Variants in PCDH15 observed in about 807,000 individuals in gnomAD.
The protein encoded by PCDH15 is protocadherin related 15.
Under a neutral mutation model 178.5 loss-of-function variants are expected in PCDH15, and 129 were observed. That is an observed-to-expected ratio of 0.72 (90% CI 0.63 to 0.84). PCDH15 has a LOEUF of 0.84. Among genes scored for constraint, PCDH15 ranks in the 40% least tolerant of loss-of-function variants. The pLI is 0.00. For synonymous variants in PCDH15, 800 were observed against 732.0 expected (o/e 1.09, Z -1.50); for missense variants, 2,230 against 2,099.9 (o/e 1.06, Z -1.21).
intron 3 of PCDH15, among the ~76,000 whole-genome samples, chr10:54,421,694 AC>A (rs1955383597): frequency 1.2e-5 from 1 of 81,734 alleles, no homozygotes; most frequent in Admixed American, 1.2e-4. Flanking sequence ...ATATATATAT[AC>A]ACACACACAC....
At chr10:55,186,492 G>T (rs1379241938) in intron 1 of PCDH15, among the ~76,000 whole-genome samples, 1 of 151,408 alleles carries the variant, frequency 6.6e-6, no homozygotes, top group African/African-American at 2.4e-5. Flanking sequence ...GACGTATCCT[G>T]GTTTGGACAA....
chr10:55,156,161 C>T (rs1046521200), intron 2 of PCDH15, among the ~76,000 whole-genome samples: 4 of 152,094 alleles, frequency 2.6e-5, no homozygotes, highest in Non-Finnish European at 4.4e-5. Flanking sequence ...GATAATGATC[C>T]TTCATGTGAA....
chr10:54,581,071 T>C (rs1258907929), intron 2 of PCDH15, among the ~76,000 whole-genome samples: 2 of 152,054 alleles, frequency 1.3e-5, no homozygotes, highest in Non-Finnish European at 2.9e-5. Context: ...ACTACTTCTA[T>C]TCAATGCAGT....
chr10:55,328,132 A>C (rs1489181641), intron 2 of PCDH15, among the ~76,000 whole-genome samples: 1 of 152,010 alleles, frequency 6.6e-6, no homozygotes, highest in African/African-American at 2.4e-5. Flanking sequence ...TATGAGAAAC[A>C]TATTTATAAT....
chr10:55,239,562 A>C (rs2132209908), intron 1 of PCDH15, among the ~76,000 whole-genome samples: 1 of 152,306 alleles, frequency 6.6e-6, no homozygotes, highest in South Asian at 2.1e-4. Flanking sequence ...TTAAACACTT[A>C]AATCTAAGAC....
At chr10:54,196,596 C>T (rs2049692521) in intron 10 of PCDH15, among the ~76,000 whole-genome samples, 1 of 152,144 alleles carries the variant, frequency 6.6e-6, no homozygotes, top group South Asian at 2.1e-4. Context: ...ATCGTATCGA[C>T]TTTGTCTCTT....
chr10:55,582,628 A>ATATATTTTTTTTTTTTTT (rs780312007), intron 2 of PCDH15, among the ~76,000 whole-genome samples: 2 of 69,030 alleles, frequency 2.9e-5, no homozygotes, highest in African/African-American at 1.3e-4. Flanking sequence ...ATATATATAT[A>ATATATTTTTTTTTTTTTT]TTTTTTTTTT....
At chr10:54,372,894 G>T (rs1947880850) in intron 4 of PCDH15, among the ~76,000 whole-genome samples, 1 of 151,670 alleles carries the variant, frequency 6.6e-6, no homozygotes, top group African/African-American at 2.4e-5. Context: ...TATAGGTTAT[G>T]ATATGTGTAT....
intron 6 of PCDH15, among the ~76,000 whole-genome samples, chr10:54,342,101 A>G (rs867433947): frequency 2.6e-4 from 39 of 152,322 alleles, no homozygotes; most frequent in African/African-American, 8.9e-4. Flanking sequence ...TTTCTGGGGG[A>G]AAATTCAAGC....
intron 2 of PCDH15, among the ~76,000 whole-genome samples, chr10:55,464,198 G>A (rs1016178471): frequency 2.0e-5 from 3 of 152,054 alleles, no homozygotes; most frequent in African/African-American, 7.2e-5. Flanking sequence ...ACATCACTAA[G>A]TGTACTAGGG....
chr10:54,216,716 T>G (rs1009778096), intron 9 of PCDH15, among the ~76,000 whole-genome samples: 7 of 152,176 alleles, frequency 4.6e-5, no homozygotes, highest in Non-Finnish European at 8.8e-5. Context: ...TGTTGTAAAA[T>G]TTATGAAGGA....
At chr10:54,477,679 C>A (rs531859771) in intron 3 of PCDH15, among the ~76,000 whole-genome samples, 1 of 152,314 alleles carries the variant, frequency 6.6e-6, no homozygotes, top group East Asian at 1.9e-4. Context: ...TCACTGCAGC[C>A]TTCGACTTCT....
At chr10:55,190,312 G>C (rs944695877) in intron 1 of PCDH15, among the ~76,000 whole-genome samples, 1 of 150,854 alleles carries the variant, frequency 6.6e-6, no homozygotes. Flanking sequence ...ATTGATCCCA[G>C]TAGTGTTTAT....
At position 54,199,570 on chromosome 10, in the gene PCDH15, C is replaced by CAATAATAATAATAATAAT. The variant is rs68082093; in HGVS notation, c.1099-3699_1099-3682dup. ...TGTTGAATTTAAACAACAACAACAA[C>CAATAATAATAATAATAAT]AATAATAATAATAATAATAATAATA... On this transcript the variant is annotated intron_variant, in intron 10 of 37. Coordinates refer to ENST00000644397, the MANE Select transcript of PCDH15 (RefSeq NM_001384140.1). 4.8e-3 allele frequency among the ~76,000 whole-genome samples: 683 copies of CAATAATAATAATAATAAT among 142,508 alleles called. 1 individual carries two copies. The highest frequency in any genetic ancestry group is 6.7e-3 in the Non-Finnish European group (441 of 65,820). 93.5% of individuals were successfully genotyped at this position (142,508 alleles called of 152,430 possible). A position where few individuals can be genotyped will look rare whatever the true frequency, so the allele number is the denominator to read the frequency against.
intron 3 of PCDH15, among the ~76,000 whole-genome samples, chr10:54,894,706 T>C (rs1954518305): frequency 6.6e-6 from 1 of 152,106 alleles, no homozygotes; most frequent in East Asian, 1.9e-4. Context: ...AAAAATGGCA[T>C]GTGAATGAAG....
intron 2 of PCDH15, among the ~76,000 whole-genome samples, chr10:54,947,661 C>A (rs1564654971): frequency 6.6e-6 from 1 of 151,724 alleles, no homozygotes; most frequent in Non-Finnish European, 1.5e-5. Flanking sequence ...TCTTTCAAAC[C>A]CAATATGTTC....
At chr10:54,324,670 G>C (rs1260791677) in intron 7 of PCDH15, among the ~76,000 whole-genome samples, 2 of 152,062 alleles carry the variant, frequency 1.3e-5, no homozygotes, top group Non-Finnish European at 2.9e-5. Flanking sequence ...GGGAGGCTGA[G>C]TTAGGAGAAT....
At chr10:54,882,394 C>A (rs770095722) in intron 3 of PCDH15, among the ~76,000 whole-genome samples, 1 of 151,992 alleles carries the variant, frequency 6.6e-6, no homozygotes, top group Non-Finnish European at 1.5e-5. Context: ...TACTTCCCCA[C>A]AGTTTTATTC....
intron 2 of PCDH15, among the ~76,000 whole-genome samples, chr10:55,141,066 C>T (rs190579064): frequency 4.6e-5 from 7 of 151,962 alleles, no homozygotes; most frequent in Admixed American, 4.6e-4. Flanking sequence ...TGGGTTCACC[C>T]ACCTCCTTGA....
Sources: gnomAD v4.1 joint callset for allele counts (sites outside exome capture counted in the v4.1 genomes callset) on GRCh38, gnomAD v4.1.1 for gene constraint, MANE v1.5 for transcripts, NCBI Gene and HGNC (gene_info 2026-07-23, HGNC 2026-07-21) for gene names.